PDE3B: variants seen among roughly 807,000 people sequenced by gnomAD.
The protein encoded by PDE3B is phosphodiesterase 3B.
PDE3B carries 66 observed loss-of-function variants against 116.8 expected under a neutral mutation model. The observed-to-expected ratio is 0.56, with a 90% CI of 0.46 to 0.69. The LOEUF is 0.69. Among genes scored for constraint, PDE3B ranks in the 30% least tolerant of loss-of-function variants. PDE3B has a pLI of 0.00. For missense variants in PDE3B, 1,384 were observed against 1,368.1 expected, an observed-to-expected ratio of 1.01 and a Z score of -0.18; for synonymous variants, 595 against 533.6, an observed-to-expected ratio of 1.12 and a Z score of -1.59.
chr11:14,701,020 A>T (rs1029254884), intron 1 of PDE3B: 3 of 151,730 alleles, frequency 2.0e-5, no homozygotes, highest in Non-Finnish European at 3.0e-5. Context: ...TATCATGTAC[A>T]TAATATTTCT....
At chr11:14,818,955 T>A (rs1329777195) in intron 6 of PDE3B, among the ~76,000 whole-genome samples, 181 bp from the exon 7 acceptor site, 1 of 152,178 alleles carries the variant, frequency 6.6e-6, no homozygotes, top group Non-Finnish European at 1.5e-5. Flanking sequence ...ATATTTTGTT[T>A]CCTTCAAGGA....
rs1275371260 is a variant in PDE3B at position 14,644,488 on chromosome 11, G to T, written c.413G>T (p.Arg138Leu). 3 of 1,612,374 alleles carry T rather than the reference G, an allele frequency of 1.9e-6. No homozygotes were observed. Among genetic ancestry groups the T allele is most frequent in the African/African-American group, 2.7e-5 (2 of 74,800 alleles). The part of the protein sequence containing the change: ...AFFFLTCFLT[R>L]TKRGPGPGRS... ...TTCTTCCTCACCTGCTTCCTCACCCGGACCAAGCGGGGACCCGGCCCGGGC... is the reference window on the plus strand; with the variant it reads ...TTCTTCCTCACCTGCTTCCTCACCCTGACCAAGCGGGGACCCGGCCCGGGC... Residue 138 changes from arginine to leucine, a missense_variant, in exon 1 of 16, where the codon CGG (arginine) becomes CTG (leucine). This residue lies in a region of PDE3B where 956 missense variants were observed against 806.8 expected (regional missense o/e 1.18). Coordinates refer to ENST00000282096, the MANE Select transcript of PDE3B (RefSeq NM_000922.4).
rs578020353 is a variant in PDE3B, at chr11:14,866,728, C to G, written c.2887-778C>G. The stretch of plus-strand genomic sequence containing the variant: ...GTAATTTATCCCAAACCAGTTCAGA[C>G]ACTAGGACTAAAATGTTAATAGTAC... On this transcript the variant is annotated intron_variant, in intron 14 of 15. Coordinates refer to ENST00000282096, the MANE Select transcript of PDE3B (RefSeq NM_000922.4). Among the ~76,000 whole-genome samples, 3 of 152,278 alleles carry G rather than the reference C, an allele frequency of 2.0e-5. No homozygotes were observed. In the East Asian group the frequency reaches 5.8e-4, roughly 29 times the overall value.
At chr11:14,812,217 C>T (rs575006605) in intron 5 of PDE3B, among the ~76,000 whole-genome samples, 54 of 152,106 alleles carry the variant, frequency 3.6e-4, no homozygotes, top group Non-Finnish European at 6.5e-4. Flanking sequence ...TTCTAAAATT[C>T]AGTGAATTGT....
the PDE3B span, chr11:14,879,474 G>A: frequency 2.6e-6 from 4 of 1,528,044 alleles, no homozygotes; most frequent in Admixed American, 3.5e-5. Flanking sequence ...AAGTTATTAT[G>A]CAGTTCTTAG....
chr11:14,878,034 T>C, the PDE3B span: 2 of 1,423,126 alleles, frequency 1.4e-6, no homozygotes, highest in Non-Finnish European at 1.9e-6. Context: ...CTGTGACTTT[T>C]ATTCTAATAC....
the PDE3B span, chr11:14,891,934 G>T: frequency 6.3e-7 from 1 of 1,594,620 alleles, no homozygotes; most frequent in East Asian, 2.3e-5. Context: ...TGGCCAGCCC[G>T]GGCCAGCCTG....
chr11:14,709,400 C>A (rs2133826363), intron 1 of PDE3B, among the ~76,000 whole-genome samples: 2 of 152,158 alleles, frequency 1.3e-5, no homozygotes, highest in South Asian at 4.1e-4. Context: ...TCAGTGGCAT[C>A]TGATAATCAC....
chr11:14,830,613 T>C, intron 7 of PDE3B, 85 bp from the exon 8 acceptor site: 1 of 546,148 alleles, frequency 1.8e-6, no homozygotes, highest in East Asian at 3.6e-5. Context: ...TTTATCTAAA[T>C]ATTTTTAACA....
chr11:14,892,235 G>T, the PDE3B span: 3 of 1,592,694 alleles, frequency 1.9e-6, no homozygotes, highest in Non-Finnish European at 2.6e-6. Flanking sequence ...GAACTCCACA[G>T]CAGCCCTGAG....
Position 14,644,763 on chromosome 11 carries a change from T to C in PDE3B, c.688T>C (p.Trp230Arg). ...VLVLLLASFV[W>R]WVSFTSLGSL... ...GGTGCTGCTCCTGGCCAGCTTCGTC[T>C]GGTGGGTCTCCTTCACCAGCCTCGG... The change falls in exon 1 of 16, where the codon TGG (tryptophan) becomes CGG (arginine). Residue 230 changes from tryptophan (W) to arginine (R), a missense_variant. Around this residue, in one of 2 missense-constraint regions of PDE3B, gnomAD observed 956 missense variants for 806.8 expected, o/e 1.18. Coordinates refer to ENST00000282096, the MANE Select transcript of PDE3B (RefSeq NM_000922.4). The C allele has an allele frequency of 6.2e-7, 1 of 1,601,780 alleles. No individual in the cohort carries two copies. The highest frequency in any genetic ancestry group is 8.5e-7 in the Non-Finnish European group (1 of 1,174,998).
chr11:14,856,723 G>A (rs546561881), intron 12 of PDE3B, among the ~76,000 whole-genome samples: 1 of 151,866 alleles, frequency 6.6e-6, no homozygotes, highest in Non-Finnish European at 1.5e-5. Context: ...GCGTGGTGGC[G>A]GGCACCCGTA....
intron 14 of PDE3B, 90 bp downstream of exon 14, chr11:14,861,456 T>A: frequency 8.3e-7 from 1 of 1,207,064 alleles, no homozygotes. Context: ...ATTAAGTGTT[T>A]GAAATCTGAG....
intron 1 of PDE3B, among the ~76,000 whole-genome samples, chr11:14,740,842 C>T (rs1364038864): frequency 1.3e-5 from 2 of 152,100 alleles, no homozygotes; most frequent in Non-Finnish European, 2.9e-5. Flanking sequence ...TCATTTCTGC[C>T]TTAATTTCCT....
At chr11:14,662,935 T>C (rs1289016038) in intron 1 of PDE3B, among the ~76,000 whole-genome samples, 1 of 151,970 alleles carries the variant, frequency 6.6e-6, no homozygotes, top group East Asian at 1.9e-4. Context: ...AGGCCAACAT[T>C]CAGATTCAGG....
chr11:14,692,571 T>A (rs1855073679), intron 1 of PDE3B, among the ~76,000 whole-genome samples: 1 of 152,198 alleles, frequency 6.6e-6, no homozygotes, highest in Admixed American at 6.5e-5. Context: ...TTTAATTTTT[T>A]ATTAGTATAT....
chr11:14,841,258 C>T (rs1860213778), intron 11 of PDE3B, among the ~76,000 whole-genome samples: 1 of 151,458 alleles, frequency 6.6e-6, no homozygotes, highest in Non-Finnish European at 1.5e-5. Flanking sequence ...AATCAGCCCA[C>T]CCTGCAGATT....
intron 1 of PDE3B, among the ~76,000 whole-genome samples, chr11:14,743,490 G>T (rs1307408311): frequency 3.3e-5 from 5 of 152,226 alleles, no homozygotes; most frequent in African/African-American, 4.8e-5. Context: ...ATCCCAGCTT[G>T]TTGGGCTCCA....
intron 2 of PDE3B, among the ~76,000 whole-genome samples, chr11:14,778,692 GA>G (rs1857870669): frequency 6.6e-6 from 1 of 152,186 alleles, no homozygotes; most frequent in Non-Finnish European, 1.5e-5. Flanking sequence ...ACCAAAGGTA[GA>G]TAAAACCACA....
Sources: gnomAD v4.1 joint callset for allele counts (sites outside exome capture counted in the v4.1 genomes callset) on GRCh38, gnomAD v4.1.1 for gene constraint, gnomAD v4.1.1 regional missense constraint, MANE v1.5 for transcripts, NCBI Gene and HGNC (gene_info 2026-07-23, HGNC 2026-07-21) for gene names.